The following SRRM1 variants were observed in gnomAD, a reference collection of about 807,000 sequenced individuals.
The protein encoded by SRRM1 is serine and arginine repetitive matrix 1.
A neutral mutation model predicts 110.2 loss-of-function variants in SRRM1; 19 were observed. The observed-to-expected ratio is 0.17, with a 90% CI of 0.12 to 0.25. The LOEUF (loss-of-function observed/expected upper bound fraction) is 0.25. Ranked by LOEUF, SRRM1 falls within the 10% of genes least tolerant of loss-of-function variation. SRRM1 has a pLI of 1.00. For synonymous variants in SRRM1, 443 were observed against 414.9 expected (o/e 1.07, Z -0.82); for missense variants, 918 against 1,145.8 (o/e 0.80, Z 2.87).
intron 12 of SRRM1, among the ~76,000 whole-genome samples, chr1:24,663,480 T>C (rs553968993): frequency 6.6e-6 from 1 of 152,340 alleles, no homozygotes; most frequent in Non-Finnish European, 1.5e-5. Flanking sequence ...TCTTTTGTGA[T>C]AATTTGCATC....
At position 24,652,926 on chromosome 1, in the gene SRRM1, A is replaced by C; in HGVS notation, c.934A>C (p.Arg312=). 6.2e-7 allele frequency: 1 copy of C among 1,613,936 alleles called. No individual in the cohort carries two copies. The highest frequency in any genetic ancestry group is 8.5e-7 in the Non-Finnish European group (1 of 1,179,916). ...TTGTTATGGCAGATCGTATTCACCT[A>C]GAAGGCGGCCAAGCCCAAGAAGGCG... ...HRSRSRSYSP[R]RRPSPRRRPS... Residue 312 remains arginine (R), a synonymous_variant, in exon 8 of 17, where the codon AGA becomes CGA. Coordinates refer to ENST00000323848, the MANE Select transcript of SRRM1 (RefSeq NM_005839.4).
At chr1:24,669,898 C>A (rs1671869391) in intron 14 of SRRM1, 7 of 558,592 alleles carry the variant, frequency 1.3e-5, no homozygotes, top group Middle Eastern at 3.1e-4. Context: ...ACTAATCTTA[C>A]ATAAGAAGCA....
At chr1:24,663,878 A>AAAT (rs10555916) in intron 12 of SRRM1, among the ~76,000 whole-genome samples, 1,734 of 141,504 alleles carry the variant, frequency 0.012, 12 homozygotes, top group South Asian at 0.041. Flanking sequence ...TCCCTCTCAA[A>AAAT]AATAATAATA....
At chr1:24,670,645 C>G (rs897935397) in intron 15 of SRRM1, among the ~76,000 whole-genome samples, 1 of 152,182 alleles carries the variant, frequency 6.6e-6, no homozygotes, top group Non-Finnish European at 1.5e-5. Context: ...GCACATGCTG[C>G]TACACCTGGC....
intron 13 of SRRM1, among the ~76,000 whole-genome samples, chr1:24,668,304 A>G (rs1289729501): frequency 1.3e-5 from 2 of 152,182 alleles, no homozygotes; most frequent in Non-Finnish European, 1.5e-5. Flanking sequence ...AGTGCCAGGC[A>G]AAGTGCTAGG....
rs1213054915 is a variant in SRRM1, at chr1:24,662,644, A to T, written c.1484-16A>T. On this transcript the variant is annotated splice_polypyrimidine_tract_variant and intron_variant, in intron 11 of 16. Transcript: ENST00000323848. ...CACAAACCTAATGTAATATTTTTTT[A>T]ATTTTGTAATTATAGACTCTGGCTC... is the stretch of plus-strand genomic sequence containing the variant. 2 of 1,607,320 alleles carry T rather than the reference A, an allele frequency of 1.2e-6. No individual in the cohort carries two copies. The highest frequency in any genetic ancestry group is 1.7e-5 in the Admixed American group (1 of 58,314).
intron 16 of SRRM1, 42 bp from the exon 17 acceptor site, chr1:24,672,140 C>T (rs1387507421): frequency 2.0e-6 from 3 of 1,468,308 alleles, no homozygotes; most frequent in Non-Finnish European, 2.8e-6. Context: ...CATTTCCCAC[C>T]AGGGTCTCAA....
At chr1:24,659,988 T>TA (rs1266696514) in intron 9 of SRRM1, among the ~76,000 whole-genome samples, 2 of 152,238 alleles carry the variant, frequency 1.3e-5, no homozygotes, top group Non-Finnish European at 2.9e-5. Flanking sequence ...TCCCCTGTGC[T>TA]ATTGTGAAGA....
Position 24,658,719 on chromosome 1 carries a change from TAGAAAA to T in SRRM1, c.1316-1996_1316-1991del, listed in dbSNP as rs1270313554. Among the ~76,000 whole-genome samples, 15 of 152,300 alleles carry T rather than the reference TAGAAAA, an allele frequency of 9.8e-5. No homozygotes were observed. In the South Asian group the frequency reaches 2.7e-3, roughly 27 times the overall value. On this transcript the variant is annotated intron_variant, in intron 9 of 16. Coordinates refer to ENST00000323848, the MANE Select transcript of SRRM1 (RefSeq NM_005839.4). ...CACTTAAAAATAGAGAATATGGACTTAGAAAAAGAGCCTCAAATAGTTAACAATTTT... is the reference window on the plus strand; with the variant it reads ...CACTTAAAAATAGAGAATATGGACTTAGAGCCTCAAATAGTTAACAATTTT...
intron 13 of SRRM1, among the ~76,000 whole-genome samples, chr1:24,667,144 G>A (rs1355150572): frequency 6.6e-6 from 1 of 152,150 alleles, no homozygotes; most frequent in Non-Finnish European, 1.5e-5. Context: ...GCATTGTTCA[G>A]CCAGTCATAA....
At chr1:24,660,545 G>C (rs980440603) in intron 9 of SRRM1, among the ~76,000 whole-genome samples, 174 bp from the exon 10 acceptor site, 1 of 152,142 alleles carries the variant, frequency 6.6e-6, no homozygotes. Flanking sequence ...AACACTTTGG[G>C]AGGCTCAGGC....
At position 24,670,173 on chromosome 1, in the gene SRRM1, T is replaced by G. The variant is rs1350436410; in HGVS notation, c.2258T>G (p.Val753Gly). The G allele has an allele frequency of 1.9e-6, 3 of 1,613,864 alleles. No homozygotes were observed. The highest frequency in any genetic ancestry group is 1.7e-6 in the Non-Finnish European group (2 of 1,179,998). ...AGAAGGGTCTCATCCTCCCGATCTG[T>G]CTCCGGGTCTCCTGAGCCAGCAGCT... Reference protein sequence around the residue: ...SVRRVSSSRSVSGSPEPAAKK... With the variant: ...SVRRVSSSRSGSGSPEPAAKK... The change falls in exon 15 of 17, where the codon GTC becomes GGC. Residue 753 changes from valine to glycine, a missense_variant. Val to Gly is a moderately radical substitution (Grantham distance 109). This residue lies in a region of SRRM1 where 357 missense variants were observed against 402.9 expected (regional missense o/e 0.89). Transcript: ENST00000323848.
At chr1:24,652,027 AAAATATAT>A (rs1462373207) in intron 6 of SRRM1, among the ~76,000 whole-genome samples, 5 of 52,382 alleles carry the variant, frequency 9.5e-5, no homozygotes. Context: ...ATCTGTACTA[AAAATATAT>A]ATATATATAT....
intron 9 of SRRM1, among the ~76,000 whole-genome samples, chr1:24,655,541 G>T (rs972087980): frequency 6.6e-6 from 1 of 151,950 alleles, no homozygotes; most frequent in Non-Finnish European, 1.5e-5. Context: ...TTTCTTGGTC[G>T]CATTGCGCTC....
At chr1:24,672,091 A>G (rs1673084494) in intron 16 of SRRM1, 91 bp from the exon 17 acceptor site, 1 of 968,250 alleles carries the variant, frequency 1.0e-6, no homozygotes, top group Non-Finnish European at 1.6e-6. Context: ...CCGGTGTGTG[A>G]TGTTCCCCTC....
At chr1:24,670,051 G>T (rs562978911) in intron 14 of SRRM1, 69 bp from the exon 15 acceptor site, 2 of 1,357,512 alleles carry the variant, frequency 1.5e-6, no homozygotes, top group South Asian at 2.9e-5. Context: ...GTACAGTGTA[G>T]TTGGTGGTTT....
chr1:24,662,891 A>T, intron 12 of SRRM1, 87 bp downstream of exon 12: 1 of 1,537,268 alleles, frequency 6.5e-7, no homozygotes, highest in South Asian at 1.2e-5. Context: ...AATTTGGTTA[A>T]CTCCTTCAAG....
At chr1:24,645,215 G>T (rs1350038843) in intron 1 of SRRM1, among the ~76,000 whole-genome samples, 1 of 152,158 alleles carries the variant, frequency 6.6e-6, no homozygotes, top group African/African-American at 2.4e-5. Flanking sequence ...CTTGGTTTAC[G>T]ATCTTACGGC....
intron 10 of SRRM1, chr1:24,661,059 G>C (rs951461150): frequency 1.9e-6 from 1 of 529,854 alleles, no homozygotes; most frequent in African/African-American, 1.9e-5. Context: ...ACAGTTAACT[G>C]TATCTGCTTG....
Sources: gnomAD v4.1 joint callset for allele counts (sites outside exome capture counted in the v4.1 genomes callset) on GRCh38, gnomAD v4.1.1 for gene constraint, gnomAD v4.1.1 regional missense constraint, MANE v1.5 for transcripts, NCBI Gene and HGNC (gene_info 2026-07-23, HGNC 2026-07-21) for gene names.